GAB2: variants seen among roughly 807,000 people sequenced by gnomAD.
GAB2 encodes the protein GRB2-associated-binding protein 2.
A neutral mutation model predicts 65.5 loss-of-function variants in GAB2; 26 were observed. The ratio of observed to expected loss-of-function variants is 0.40; its 90% CI spans 0.29 to 0.55. The LOEUF is 0.55. Ranked by LOEUF, GAB2 falls within the 20% of genes least tolerant of loss-of-function variation. The probability of loss-of-function intolerance (pLI) is 0.53; values close to 1 mark genes in which losing one functional copy is unlikely to be tolerated. For synonymous variants in GAB2, 321 were observed against 329.6 expected (o/e 0.97, Z 0.28); for missense variants, 884 against 875.8 (o/e 1.01, Z -0.12).
intron 1 of GAB2, among the ~76,000 whole-genome samples, chr11:78,372,926 C>A (rs1442013188): frequency 6.6e-6 from 1 of 152,068 alleles, no homozygotes; most frequent in Non-Finnish European, 1.5e-5. Context: ...CCTATTTTTA[C>A]ATTTTCGCTC....
At chr11:78,395,182 G>C (rs940349092) in intron 1 of GAB2, among the ~76,000 whole-genome samples, 1 of 152,206 alleles carries the variant, frequency 6.6e-6, no homozygotes, top group South Asian at 2.1e-4. Flanking sequence ...GGCCAGGCGC[G>C]GCGGCTCACG....
At chr11:78,240,939 C>G (rs1865116317) in intron 3 of GAB2, among the ~76,000 whole-genome samples, 1 of 152,224 alleles carries the variant, frequency 6.6e-6, no homozygotes, top group Non-Finnish European at 1.5e-5. Context: ...GTTCATGAGA[C>G]TCTGAGCTTA....
chr11:78,305,072 C>T (rs1044263669), intron 1 of GAB2, among the ~76,000 whole-genome samples: 31 of 152,216 alleles, frequency 2.0e-4, no homozygotes, highest in African/African-American at 4.8e-4. Context: ...TGAATGCCAA[C>T]TGAGGACTCA....
chr11:78,242,273 T>C (rs376123316), intron 3 of GAB2, among the ~76,000 whole-genome samples: 1 of 151,884 alleles, frequency 6.6e-6, no homozygotes, highest in East Asian at 1.9e-4. Flanking sequence ...GAGGCCAAGG[T>C]GGGCGGATCA....
chr11:78,244,968 A>G (rs1410777342), intron 3 of GAB2, among the ~76,000 whole-genome samples: 1 of 152,226 alleles, frequency 6.6e-6, no homozygotes, highest in Non-Finnish European at 1.5e-5. Flanking sequence ...TCAGTATGTT[A>G]AAGAGCTATT....
At chr11:78,359,087 T>C (rs1371531363) in intron 1 of GAB2, among the ~76,000 whole-genome samples, 1 of 152,086 alleles carries the variant, frequency 6.6e-6, no homozygotes, top group Non-Finnish European at 1.5e-5. Context: ...AAATCAGAGT[T>C]TAAGAGACGT....
chr11:78,250,394 A>T lies in GAB2; in HGVS notation c.383T>A (p.Leu128Gln). The T allele has an allele frequency of 3.7e-6, 6 of 1,613,134 alleles. No homozygotes were observed. Among genetic ancestry groups the T allele is most frequent in the Non-Finnish European group, 4.2e-6 (5 of 1,179,220 alleles). ...ATGACCGGCTGAGGAAACATTTCTC[A>T]GGGAGTCTGAAAAGGAGAAATAGCT... The part of the protein sequence containing the change: ...FNQAEESTDS[L>Q]RNVSSAGHGP... Residue 128 changes from leucine to glutamine, a missense_variant, in exon 3 of 10, where the codon CTG becomes CAG. Leu to Gln is a moderately radical substitution (Grantham distance 113). Coordinates refer to ENST00000361507, the MANE Select transcript of GAB2 (RefSeq NM_080491.3).
intron 1 of GAB2, among the ~76,000 whole-genome samples, chr11:78,285,048 T>A (rs1866439325): frequency 6.6e-6 from 1 of 152,246 alleles, no homozygotes; most frequent in South Asian, 2.1e-4. Flanking sequence ...TTATTTATAG[T>A]AATTTAAAAT....
chr11:78,326,146 T>G (rs1356927236), intron 1 of GAB2, among the ~76,000 whole-genome samples: 1 of 152,262 alleles, frequency 6.6e-6, no homozygotes, highest in Non-Finnish European at 1.5e-5. Flanking sequence ...CACTTTGCTT[T>G]ATTCCACTTA....
At chr11:78,303,011 G>T (rs10899467) in intron 1 of GAB2, among the ~76,000 whole-genome samples, 23,821 of 152,144 alleles carry the variant, frequency 0.16, 2,416 homozygotes, top group East Asian at 0.4. Flanking sequence ...AAAAGCAAAA[G>T]AAAGAATGAT....
At chr11:78,242,776 T>G (rs1865175655) in intron 3 of GAB2, among the ~76,000 whole-genome samples, 1 of 152,008 alleles carries the variant, frequency 6.6e-6, no homozygotes, top group South Asian at 2.1e-4. Context: ...AAAATAAAAC[T>G]GATCAACAAA....
chr11:78,233,278 G>A (rs540989892), intron 3 of GAB2, among the ~76,000 whole-genome samples: 257 of 152,222 alleles, frequency 1.7e-3, no homozygotes, highest in African/African-American at 5.9e-3. Context: ...GAAGCAATCC[G>A]CCTGTCTTGG....
chr11:78,228,231 G>C (rs1036386384), intron 3 of GAB2, among the ~76,000 whole-genome samples: 1 of 152,214 alleles, frequency 6.6e-6, no homozygotes, highest in African/African-American at 2.4e-5. Flanking sequence ...CAGGTTCTCT[G>C]TAAGTGCTTT....
At chr11:78,343,911 T>A (rs1319413102) in intron 1 of GAB2, among the ~76,000 whole-genome samples, 2 of 152,152 alleles carry the variant, frequency 1.3e-5, no homozygotes, top group African/African-American at 4.8e-5. Flanking sequence ...ATAAGCCAGA[T>A]TTCAAGTACT....
At chr11:78,221,178 G>A (rs1320265797) in intron 8 of GAB2, among the ~76,000 whole-genome samples, 1 of 152,218 alleles carries the variant, frequency 6.6e-6, no homozygotes, top group Non-Finnish European at 1.5e-5. Context: ...TGCTTTACTG[G>A]TTGGTTAATT....
intron 1 of GAB2, among the ~76,000 whole-genome samples, chr11:78,297,058 A>G (rs879813417): frequency 6.6e-6 from 1 of 152,186 alleles, no homozygotes; most frequent in African/African-American, 2.4e-5. Context: ...CACGTTTTGG[A>G]GGGACACAAA....
intron 1 of GAB2, chr11:78,341,635 C>A (rs1856096872): frequency 6.1e-6 from 2 of 330,416 alleles, no homozygotes; most frequent in Non-Finnish European, 8.7e-6. Context: ...AAGTAGTCAA[C>A]AATTTCACTT....
At chr11:78,277,639 T>G (rs1366207483) in intron 2 of GAB2, among the ~76,000 whole-genome samples, 3 of 152,244 alleles carry the variant, frequency 2.0e-5, no homozygotes, top group Admixed American at 6.5e-5. Flanking sequence ...AGTGGGCATG[T>G]GTACAGCTTT....
intron 2 of GAB2, among the ~76,000 whole-genome samples, chr11:78,263,323 G>A (rs910254189): frequency 4.0e-5 from 6 of 151,892 alleles, no homozygotes; most frequent in Admixed American, 3.9e-4. Flanking sequence ...TTGTTGGTCA[G>A]CATACAGAAT....
Sources: gnomAD v4.1 joint callset for allele counts (sites outside exome capture counted in the v4.1 genomes callset) on GRCh38, gnomAD v4.1.1 for gene constraint, MANE v1.5 for transcripts, NCBI Gene and HGNC (gene_info 2026-07-23, HGNC 2026-07-21) for gene names.